Variants in ITGB6 observed in about 807,000 individuals in gnomAD.
The protein encoded by ITGB6 is integrin subunit beta 6.
ITGB6 carries 80 observed loss-of-function variants against 84.5 expected under a neutral mutation model. The ratio of observed to expected loss-of-function variants is 0.95; its 90% confidence interval spans 0.79 to 1.14. The LOEUF (loss-of-function observed/expected upper bound fraction) is 1.14, where lower values mean the gene tolerates loss of function less well. Ranked by LOEUF, ITGB6 falls within the 50% of genes most tolerant of loss-of-function variation. ITGB6 has a pLI of 0.00. For missense variants in ITGB6, 1,006 were observed against 968.0 expected (o/e 1.04, Z -0.52); for synonymous variants, 383 against 354.9 (o/e 1.08, Z -0.89).
chr2:160,157,157 G>A (rs1292888629), intron 7 of ITGB6, among the ~76,000 whole-genome samples: 1 of 152,078 alleles, frequency 6.6e-6, no homozygotes, highest in African/African-American at 2.4e-5. Context: ...CTTCATATAA[G>A]GACACCAGTG....
At chr2:160,132,970 T>C (rs969465145) in intron 10 of ITGB6, among the ~76,000 whole-genome samples, 1 of 152,138 alleles carries the variant, frequency 6.6e-6, no homozygotes, top group Non-Finnish European at 1.5e-5. Flanking sequence ...ATAGTAGGTG[T>C]TTAATAAATA....
intron 13 of ITGB6, among the ~76,000 whole-genome samples, chr2:160,108,548 C>T (rs1411585709): frequency 6.6e-6 from 1 of 152,100 alleles, no homozygotes; most frequent in East Asian, 1.9e-4. Flanking sequence ...CCAGGCCCTT[C>T]CTCTGTAAAA....
At chr2:160,107,915 T>C in intron 13 of ITGB6, 70 bp from the exon 14 acceptor site, 1 of 1,342,462 alleles carries the variant, frequency 7.4e-7, no homozygotes, top group Non-Finnish European at 1.0e-6. Flanking sequence ...GCATTTCTTG[T>C]TGGATTTTCA....
chr2:160,188,634 C>T (rs866334020), intron 4 of ITGB6, among the ~76,000 whole-genome samples: 7 of 150,668 alleles, frequency 4.6e-5, no homozygotes, highest in Admixed American at 1.3e-4. Context: ...GATGTAGTCT[C>T]GCTCTGTCAC....
At position 160,126,432 on chromosome 2, in the gene ITGB6, T is replaced by G. The variant is rs1216438525; in HGVS notation, c.1830A>C (p.Ser610=). 11 of 1,614,198 alleles carry G rather than the reference T, an allele frequency of 6.8e-6. No individual in the cohort carries two copies. The highest frequency in any genetic ancestry group is 9.3e-6 in the Non-Finnish European group (11 of 1,180,018). The change falls in exon 11 of 15, where the codon TCA becomes TCC. Residue 610 remains serine (S), a synonymous_variant. Transcript: ENST00000283249. ...GKCVCTNPGA[S]GPTCERCPTC... ...TAGGACATCGTTCACAGGTTGGTCC[T>G]GAGGCTCCAGGGTTTGTGCAAACAC... is the stretch of plus-strand genomic sequence containing the variant.
At chr2:160,183,946 A>G (rs1685791167) in intron 4 of ITGB6, among the ~76,000 whole-genome samples, 1 of 152,256 alleles carries the variant, frequency 6.6e-6, no homozygotes, top group South Asian at 2.1e-4. Context: ...ACAAAGACAC[A>G]ACGTAGTAGA....
intron 13 of ITGB6, among the ~76,000 whole-genome samples, chr2:160,108,924 C>G (rs1697013303): frequency 6.6e-6 from 1 of 152,098 alleles, no homozygotes; most frequent in African/African-American, 2.4e-5. Flanking sequence ...TAATTATGTT[C>G]TCCTCTTACT....
intron 10 of ITGB6, among the ~76,000 whole-genome samples, chr2:160,128,127 C>T (rs1338304479): frequency 6.6e-6 from 1 of 152,042 alleles, no homozygotes; most frequent in Non-Finnish European, 1.5e-5. Context: ...GGTCATTGAA[C>T]TTATAATTTA....
At chr2:160,120,549 G>T (rs1682984813) in intron 12 of ITGB6, among the ~76,000 whole-genome samples, 1 of 60,904 alleles carries the variant, frequency 1.6e-5, no homozygotes, top group Non-Finnish European at 3.5e-5. Context: ...GATAGCATTG[G>T]GAGATATACC....
At chr2:160,147,085 G>GAAAAAAAAAA (rs36051022) in intron 7 of ITGB6, among the ~76,000 whole-genome samples, 3 of 41,526 alleles carry the variant, frequency 7.2e-5, no homozygotes, top group African/African-American at 9.7e-5. Flanking sequence ...CCTTGCCTCA[G>GAAAAAAAAAA]AAAAAAAAAA....
intron 14 of ITGB6, among the ~76,000 whole-genome samples, chr2:160,104,233 G>T (rs147012910): frequency 9.2e-5 from 14 of 152,286 alleles, no homozygotes; most frequent in African/African-American, 3.4e-4. Context: ...ACATATTGCT[G>T]TTGTGTGTAA....
chr2:160,153,325 C>T (rs1684499829), intron 7 of ITGB6, among the ~76,000 whole-genome samples: 1 of 152,156 alleles, frequency 6.6e-6, no homozygotes, highest in South Asian at 2.1e-4. Flanking sequence ...CTGACAAAAA[C>T]AAGCAATGGG....
intron 4 of ITGB6, among the ~76,000 whole-genome samples, chr2:160,189,681 G>A (rs36134621): frequency 0.3 from 44,230 of 149,614 alleles, 7,671 homozygotes; most frequent in Non-Finnish European, 0.41. Flanking sequence ...TTAGAATGGC[G>A]ATCATTAAAA....
intron 4 of ITGB6, among the ~76,000 whole-genome samples, chr2:160,180,357 G>A (rs772370346): frequency 6.6e-6 from 1 of 152,160 alleles, no homozygotes; most frequent in Non-Finnish European, 1.5e-5. Flanking sequence ...ATGTTGCCCA[G>A]GCTGGACTCA....
chr2:160,137,064 G>A (rs72979935), intron 10 of ITGB6, among the ~76,000 whole-genome samples: 70 of 143,568 alleles, frequency 4.9e-4, no homozygotes, highest in African/African-American at 7.2e-4. Flanking sequence ...AAAAAAAAAA[G>A]AAAAAAAAAA....
chr2:160,193,132 T>C (rs1358284703), intron 4 of ITGB6, among the ~76,000 whole-genome samples: 1 of 152,138 alleles, frequency 6.6e-6, no homozygotes, highest in Non-Finnish European at 1.5e-5. Context: ...AGTTTAGGTG[T>C]CTATCAAAGA....
At position 160,138,089 on chromosome 2, in the gene ITGB6, G is replaced by A. The variant is rs1213649938; in HGVS notation, c.1218C>T (p.Cys406=). The A allele has an allele frequency of 1.3e-5, 21 of 1,613,422 alleles. No homozygotes were observed. The highest frequency in any genetic ancestry group is 1.8e-5 in the Non-Finnish European group (21 of 1,179,820). The change falls in exon 9 of 15, where the codon TGC becomes TGT. Residue 406 remains cysteine (C), a synonymous_variant. Transcript: ENST00000283249. ...CTGTGTCTCCCACTTTCATGTGAGAGCATTTCTTTTGGTGTTGGAAGAGGG... is the reference window on the plus strand; with the variant it reads ...CTGTGTCTCCCACTTTCATGTGAGAACATTTCTTTTGGTGTTGGAAGAGGG... The part of the protein sequence containing the change: ...NGTLFQHQKK[C]SHMKVGDTAS...
chr2:160,126,366 G>A lies in ITGB6; in HGVS notation c.1883+13C>T, dbSNP rs1286952305. ...CTATCCACATAAGGAATGGAGAAAA[G>A]CAGAGACATTACCGTTTAGAGTTAC... On this transcript the variant is annotated intron_variant, in intron 11 of 14. Coordinates refer to ENST00000283249, the MANE Select transcript of ITGB6 (RefSeq NM_000888.5). The A allele has an allele frequency of 6.2e-7, 1 of 1,610,450 alleles. No individual in the cohort carries two copies. Among genetic ancestry groups the A allele is most frequent in the Non-Finnish European group, 8.5e-7 (1 of 1,176,598 alleles).
In ITGB6 at chr2:160,101,115, A is replaced by C. The variant is rs4076844; in HGVS notation, c.*621T>G. 1 of 151,986 alleles carries C rather than the reference A, an allele frequency of 6.6e-6. No individual in the cohort carries two copies. The highest frequency in any genetic ancestry group is 2.4e-5 in the African/African-American group (1 of 41,394). The allele number at this position is 151,986 out of a possible 1,614,324, so 9.4% of individuals were successfully genotyped here. On this transcript the variant is annotated 3_prime_UTR_variant, in exon 15 of 15. Coordinates refer to ENST00000283249, the MANE Select transcript of ITGB6 (RefSeq NM_000888.5). ...TTAATTTATAAATTACTTATTCCTT[A>C]TTTGTAAAACAAATAAAATATTTGT...
Sources: gnomAD v4.1 joint callset for allele counts (sites outside exome capture counted in the v4.1 genomes callset) on GRCh38, gnomAD v4.1.1 for gene constraint, MANE v1.5 for transcripts, NCBI Gene and HGNC (gene_info 2026-07-23, HGNC 2026-07-21) for gene names.